Variants in SCUBE2 observed in about 807,000 individuals in gnomAD.
The protein encoded by SCUBE2 is signal peptide, CUB domain and EGF like domain containing 2.
SCUBE2 carries 114 observed loss-of-function variants against 125.9 expected under a neutral mutation model. The ratio of observed to expected loss-of-function variants is 0.91; its 90% CI spans 0.78 to 1.06. SCUBE2 has a LOEUF of 1.06. SCUBE2 is among the 50% of genes least tolerant of loss of function. The pLI, the probability that SCUBE2 is intolerant of heterozygous loss-of-function variation, is 0.00. For synonymous variants in SCUBE2, 459 were observed against 492.9 expected (o/e 0.93, Z 0.91); for missense variants, 1,255 against 1,301.8 (o/e 0.96, Z 0.55).
chr11:9,047,440 C>A lies in SCUBE2; in HGVS notation c.1918G>T (p.Asp640Tyr). The A allele has an allele frequency of 3.1e-6, 5 of 1,614,084 alleles. No homozygotes were observed. The highest frequency in any genetic ancestry group is 3.4e-6 in the Non-Finnish European group (4 of 1,180,040). The part of the protein sequence containing the change: ...FHLQLSGMNL[D>Y]VAKKPPRTSE... ...GTTCTGGGAGGCTTTTTAGCCACGT[C>A]GAGGTTCATGCCTGAGAGCTGGAGG... The change falls in exon 16 of 23, where the codon GAC becomes TAC. Residue 640 changes from aspartate to tyrosine, a missense_variant. Physicochemically the swap from Asp to Tyr is radical, Grantham distance 160 (BLOSUM62 -3). Transcript: ENST00000649792.
intron 2 of SCUBE2, among the ~76,000 whole-genome samples, chr11:9,083,517 G>A (rs1861808312): frequency 2.0e-5 from 3 of 151,964 alleles, no homozygotes; most frequent in Non-Finnish European, 4.4e-5. Context: ...TCTCACTGTT[G>A]GAGAAAGTTA....
At position 9,091,476 on chromosome 11, in the gene SCUBE2, AGC is replaced by A; in HGVS notation, c.51_52del (p.Leu18AlafsTer30). On this transcript the variant is annotated frameshift_variant, in exon 1 of 23. Coordinates refer to ENST00000649792, the MANE Select transcript of SCUBE2 (RefSeq NM_001367977.2). LOFTEE classifies it high-confidence loss of function. This position sits in a 1 kb window ranked among gnomAD's most constrained non-coding sequence, Gnocchi z 8.5. Reference sequence around the variant, plus strand: ...CAGCAGTGGCGGCAGCAGCAGCAGCAGCAGCAGCACCGCCCAGGCCGCCCCGG... The same window carrying A: ...CAGCAGTGGCGGCAGCAGCAGCAGCAAGCAGCACCGCCCAGGCCGCCCCGG... 1 of 1,279,846 alleles carries A rather than the reference AGC, an allele frequency of 7.8e-7. No individual in the cohort carries two copies. The highest frequency in any genetic ancestry group is 3.4e-5 in the East Asian group (1 of 29,664). 79.3% of individuals were successfully genotyped at this position (1,279,846 alleles called of 1,614,324 possible). A position where few individuals can be genotyped will look rare whatever the true frequency, so the allele number is the denominator to read the frequency against.
At chr11:9,072,669 T>G (rs74052371) in intron 4 of SCUBE2, among the ~76,000 whole-genome samples, 3,586 of 152,228 alleles carry the variant, frequency 0.024, 127 homozygotes, top group African/African-American at 0.081. Context: ...TGGCTGACAC[T>G]CCCATGAATT....
At chr11:9,032,010 T>C (rs1213638416) in intron 17 of SCUBE2, among the ~76,000 whole-genome samples, 3 of 152,196 alleles carry the variant, frequency 2.0e-5, no homozygotes, top group Admixed American at 2.0e-4. Context: ...GGAGTTGTAA[T>C]GATTATATGA....
rs1860568920 is a variant in SCUBE2 at position 9,069,451 on chromosome 11, A to G, written c.562T>C (p.Cys188Arg). The G allele has an allele frequency of 6.2e-7, 1 of 1,614,144 alleles. No individual in the cohort carries two copies. Among genetic ancestry groups the G allele is most frequent in the Admixed American group, 1.7e-5 (1 of 60,006 alleles). ...ACGCTGCCCCTTGGGGCCTCCTTGC[A>G]GATGTGACTACAGCCGTGATCCTTA... ...MNKDHGCSHI[C>R]KEAPRGSVAC... Residue 188 changes from cysteine to arginine, a missense_variant, in exon 5 of 23, where the codon TGC becomes CGC. Coordinates refer to ENST00000649792, the MANE Select transcript of SCUBE2 (RefSeq NM_001367977.2).
chr11:9,083,499 G>A (rs545394057), intron 2 of SCUBE2, among the ~76,000 whole-genome samples: 2 of 152,178 alleles, frequency 1.3e-5, no homozygotes, highest in Admixed American at 6.5e-5. Context: ...GATAATGAGC[G>A]CCAGATTTCT....
chr11:9,091,252 T>C lies in SCUBE2; in HGVS notation c.133+144A>G. On this transcript the variant is annotated intron_variant, in intron 1 of 22. Transcript: ENST00000649792. This position sits in a 1 kb window ranked among gnomAD's most constrained non-coding sequence, Gnocchi z 8.5. ...GCCTTGGCCCGGCCGGCGGGTGAGG[T>C]CCCGGGGGGAGCAGAGGCCCCCGCG... 1.9e-6 allele frequency: 1 copy of C among 512,924 alleles called. No homozygotes were observed. Among genetic ancestry groups the C allele is most frequent in the South Asian group, 9.8e-5 (1 of 10,196 alleles). 31.8% of individuals were successfully genotyped at this position (512,924 alleles called of 1,614,324 possible). A position where few individuals can be genotyped will look rare whatever the true frequency, so the allele number is the denominator to read the frequency against.
chr11:9,089,829 T>C lies in SCUBE2; in HGVS notation c.134A>G (p.Asp45Gly). The C allele has an allele frequency of 1.2e-6, 2 of 1,613,566 alleles. No homozygotes were observed. The highest frequency in any genetic ancestry group is 1.7e-6 in the Non-Finnish European group (2 of 1,179,714). ...GRGRAAGPQEDVDECAQGLDD... is the reference protein window; with the variant it reads ...GRGRAAGPQEGVDECAQGLDD... ...TAGCCCTTGGGCACACTCATCTACA[T>C]CTGCAAAAGAGCACAGCTGACACCT... is the stretch of plus-strand genomic sequence containing the variant. Residue 45 changes from aspartate to glycine, a missense_variant and splice_region_variant, in exon 2 of 23, where the codon GAT (aspartate) becomes GGT (glycine). By Grantham distance (94) the Asp-to-Gly change is moderately conservative. Transcript: ENST00000649792.
chr11:9,045,610 G>GACACACACAC (rs72142315), intron 16 of SCUBE2, among the ~76,000 whole-genome samples: 75 of 99,226 alleles, frequency 7.6e-4, no homozygotes, highest in African/African-American at 1.9e-3. Flanking sequence ...CAGACAGACA[G>GACACACACAC]ACACACACAC....
chr11:9,028,582 T>G (rs118183720), intron 19 of SCUBE2, among the ~76,000 whole-genome samples: 2,957 of 152,342 alleles, frequency 0.019, 42 homozygotes, highest in Non-Finnish European at 0.032. Context: ...TATTTAATAC[T>G]GTCAGGTAAA....
chr11:9,077,269 T>A, intron 3 of SCUBE2, among the ~76,000 whole-genome samples: 1 of 151,950 alleles, frequency 6.6e-6, no homozygotes, highest in East Asian at 1.9e-4. Flanking sequence ...TAGGTGATGG[T>A]TTTTTTTAAG....
intron 16 of SCUBE2, among the ~76,000 whole-genome samples, chr11:9,043,994 T>C (rs578102308): frequency 1.4e-4 from 22 of 152,206 alleles, no homozygotes; most frequent in Admixed American, 2.6e-4. Flanking sequence ...CCATTGTACT[T>C]TTGCAAGTCT....
chr11:9,064,605 T>G (rs553661242), intron 7 of SCUBE2: 2 of 151,706 alleles, frequency 1.3e-5, no homozygotes, highest in Admixed American at 1.3e-4. Flanking sequence ...GCAAATGGGA[T>G]GAGGAAATGG....
intron 16 of SCUBE2, among the ~76,000 whole-genome samples, chr11:9,047,068 T>C (rs888919745): frequency 3.3e-5 from 5 of 152,340 alleles, no homozygotes; most frequent in African/African-American, 1.2e-4. Flanking sequence ...CAGCCACTTC[T>C]TTCCTGTTCC....
chr11:9,024,476 C>A, intron 21 of SCUBE2: 6 of 1,177,594 alleles, frequency 5.1e-6, no homozygotes, highest in Non-Finnish European at 5.6e-6. Context: ...AGAATATTGT[C>A]TTCCCAAACA....
At chr11:9,063,102 C>T (rs1384596007) in intron 7 of SCUBE2, among the ~76,000 whole-genome samples, 1 of 151,848 alleles carries the variant, frequency 6.6e-6, no homozygotes, top group Non-Finnish European at 1.5e-5. Flanking sequence ...AAAAATTAGC[C>T]AGGCATGGTG....
chr11:9,053,249 G>A (rs749707267), intron 11 of SCUBE2, 34 bp from the exon 12 acceptor site: 1 of 1,561,292 alleles, frequency 6.4e-7, no homozygotes, highest in South Asian at 1.1e-5. Flanking sequence ...TACAGAAAGA[G>A]AAGGACATTT....
rs770386096 is a variant in SCUBE2, at chr11:9,047,398, C to G, written c.1960G>C (p.Glu654Gln). 6.2e-7 allele frequency: 1 copy of G among 1,614,208 alleles called. No homozygotes were observed. Among genetic ancestry groups the G allele is most frequent in the South Asian group, 1.1e-5 (1 of 91,080 alleles). Residue 654 changes from glutamate to glutamine, a missense_variant, in exon 16 of 23, where the codon GAG (glutamate) becomes CAG (glutamine). Physicochemically the swap from Glu to Gln is conservative, Grantham distance 29. Around this residue, in one of 3 missense-constraint regions of SCUBE2, gnomAD observed 515 missense variants for 515.7 expected, o/e 1.00. Coordinates refer to ENST00000649792, the MANE Select transcript of SCUBE2 (RefSeq NM_001367977.2). ...TGACCCTGGCCCACTCCACAGGACT[C>G]TGCCTGGCGTTCAGATGTTCTGGGA... is the stretch of plus-strand genomic sequence containing the variant. ...KPPRTSERQA[E>Q]SCGVGQGHAE...
In SCUBE2 at chr11:9,020,761, C is replaced by A; in HGVS notation, c.*284G>T. 1 of 260,024 alleles carries A rather than the reference C, an allele frequency of 3.8e-6. No homozygotes were observed. Among genetic ancestry groups the A allele is most frequent in the Middle Eastern group, 1.1e-3 (1 of 876 alleles). The allele number at this position is 260,024 out of a possible 1,614,324, so 16.1% of individuals were successfully genotyped here. A position where few individuals can be genotyped will look rare whatever the true frequency, so the allele number is the denominator to read the frequency against. ...GACAGGTGAGTCTCACCTAGGCTGA[C>A]CAAAGTCCAGCTCAGCCAGCCCGTG... On this transcript the variant is annotated 3_prime_UTR_variant, in exon 23 of 23. Transcript: ENST00000649792.
Sources: gnomAD v4.1 joint callset for allele counts (sites outside exome capture counted in the v4.1 genomes callset) on GRCh38, gnomAD v4.1.1 for gene constraint, gnomAD v4.1.1 regional missense constraint, Gnocchi (gnomAD v3.1) non-coding constraint, MANE v1.5 for transcripts, NCBI Gene and HGNC (gene_info 2026-07-23, HGNC 2026-07-21) for gene names.